Variants in TRIM14 observed in about 807,000 individuals in gnomAD.
TRIM14 encodes the protein tripartite motif-containing protein 14.
Under a neutral mutation model 44.5 loss-of-function variants are expected in TRIM14, and 28 were observed. That is an observed-to-expected ratio of 0.63 (90% CI 0.47 to 0.86). The LOEUF (loss-of-function observed/expected upper bound fraction) is 0.86. Ranked by LOEUF, TRIM14 falls within the 40% of genes least tolerant of loss-of-function variation. The pLI, the probability that TRIM14 is intolerant of heterozygous loss-of-function variation, is 0.00. For synonymous variants in TRIM14, 299 were observed against 269.2 expected, an observed-to-expected ratio of 1.11 and a Z score of -1.08; for missense variants, 607 against 611.1, an observed-to-expected ratio of 0.99 and a Z score of 0.07.
chr9:98,081,415 G>C, downstream of TRIM14: 1 of 261,822 alleles, frequency 3.8e-6, no homozygotes, highest in South Asian at 6.6e-5. Flanking sequence ...CCTGGAATAA[G>C]TCAAGTCTGG....
chr9:98,099,593 G>A, intron 3 of TRIM14, among the ~76,000 whole-genome samples: 1 of 152,144 alleles, frequency 6.6e-6, no homozygotes. Context: ...GACCAGGTGA[G>A]TCACTTCACT....
chr9:98,100,665 C>G (rs1826357334), intron 2 of TRIM14, among the ~76,000 whole-genome samples: 1 of 152,128 alleles, frequency 6.6e-6, no homozygotes, highest in African/African-American at 2.4e-5. Flanking sequence ...TCTACAGGAT[C>G]TAAAACCATG....
chr9:98,054,014 A>G, the TRIM14 span, among the ~76,000 whole-genome samples: 5 of 152,148 alleles, frequency 3.3e-5, no homozygotes, highest in Admixed American at 2.0e-4. Context: ...GCAAGGCTCA[A>G]ACTGTCTTCC....
At chr9:98,061,019 C>T in the TRIM14 span, 2 of 1,610,212 alleles carry the variant, frequency 1.2e-6, no homozygotes, top group South Asian at 1.1e-5. Context: ...GCTGCTCTGT[C>T]ATTTGTCACT....
intron 1 of TRIM14, among the ~76,000 whole-genome samples, chr9:98,111,824 G>C (rs1826864908): frequency 6.6e-6 from 1 of 152,082 alleles, no homozygotes; most frequent in Non-Finnish European, 1.5e-5. Context: ...TGTAATCCCA[G>C]CTACTCGGGA....
Position 98,087,734 on chromosome 9 carries a change from C to T in TRIM14, c.1065G>A (p.Leu355=), listed in dbSNP as rs1358413438. The change falls in exon 6 of 6, where the codon CTG becomes CTA. Residue 355 remains leucine, a synonymous_variant. Coordinates refer to ENST00000341469, the MANE Select transcript of TRIM14 (RefSeq NM_014788.4). ...RRRGASAAAR[L]GCNRQSWCLK... ...GGCACCAGGACTGGCGGTTGCAGCC[C>T]AGGCGGGCGGCGGCCGAGGCCCCGC... is the stretch of plus-strand genomic sequence containing the variant. The T allele has an allele frequency of 5.1e-6, 8 of 1,577,494 alleles. No homozygotes were observed. The highest frequency in any genetic ancestry group is 2.3e-5 in the East Asian group (1 of 43,400).
downstream of TRIM14, among the ~76,000 whole-genome samples, chr9:98,068,775 T>G (rs1829225225): frequency 6.6e-6 from 1 of 151,464 alleles, no homozygotes; most frequent in Non-Finnish European, 1.5e-5. Context: ...AAGCCATGAT[T>G]GCACCAGTGA....
At chr9:98,056,893 C>T in the TRIM14 span, 1 of 1,610,912 alleles carries the variant, frequency 6.2e-7, no homozygotes, top group Non-Finnish European at 8.5e-7. Context: ...CGGCCAGAAC[C>T]ACCAGGGCGA....
downstream of TRIM14, chr9:98,081,878 A>G (rs1025384979): frequency 3.3e-5 from 5 of 152,204 alleles, no homozygotes; most frequent in Admixed American, 3.3e-4. Flanking sequence ...AATAAAGTAA[A>G]AAGAAATAGT....
chr9:98,083,761 T>C (rs1297330766), downstream of TRIM14, among the ~76,000 whole-genome samples: 5 of 152,256 alleles, frequency 3.3e-5, no homozygotes, highest in African/African-American at 7.2e-5. Flanking sequence ...AGTCACACAA[T>C]ATGTTAGAAG....
At chr9:98,063,136 C>T in the TRIM14 span, among the ~76,000 whole-genome samples, 3 of 151,870 alleles carry the variant, frequency 2.0e-5, no homozygotes, top group African/African-American at 7.3e-5. Context: ...CCATGTTAGC[C>T]AGGCTGATCT....
intron 4 of TRIM14, chr9:98,092,657 T>G: frequency 5.6e-6 from 1 of 178,354 alleles, no homozygotes; most frequent in Middle Eastern, 5.0e-4. Flanking sequence ...CTGTACGTCA[T>G]GAACAATAAC....
Position 98,087,745 on chromosome 9 carries a change from C to T in TRIM14, c.1054G>A (p.Ala352Thr). The T allele has an allele frequency of 6.4e-7, 1 of 1,557,040 alleles. No homozygotes were observed. The highest frequency in any genetic ancestry group is 8.6e-7 in the Non-Finnish European group (1 of 1,161,330). The part of the protein sequence containing the change: ...ASLRRRGASA[A>T]ARLGCNRQSW... Reference sequence around the variant, plus strand: ...TGGCGGTTGCAGCCCAGGCGGGCGGCGGCCGAGGCCCCGCGGCGCCGAAGG... The same window carrying T: ...TGGCGGTTGCAGCCCAGGCGGGCGGTGGCCGAGGCCCCGCGGCGCCGAAGG... Residue 352 changes from alanine (A) to threonine (T), a missense_variant, in exon 6 of 6, where the codon GCC (alanine) becomes ACC (threonine). Coordinates refer to ENST00000341469, the MANE Select transcript of TRIM14 (RefSeq NM_014788.4).
chr9:98,049,338 CATAAAAAAAAA>C, the TRIM14 span, among the ~76,000 whole-genome samples: 1 of 38,558 alleles, frequency 2.6e-5, no homozygotes, highest in African/African-American at 1.6e-4. Context: ...TGAGACTCTG[CATAAAAAAAAA>C]AAAAAAAAAA....
chr9:98,043,241 G>A, the TRIM14 span, among the ~76,000 whole-genome samples: 45 of 151,472 alleles, frequency 3.0e-4, no homozygotes, highest in Non-Finnish European at 1.0e-4. Flanking sequence ...GCAATGGCGC[G>A]ATACTGGCTC....
At chr9:98,112,723 G>A (rs1457549677) in intron 1 of TRIM14, among the ~76,000 whole-genome samples, 4 of 149,836 alleles carry the variant, frequency 2.7e-5, no homozygotes, top group African/African-American at 9.9e-5. Context: ...ACTTGAATCT[G>A]GGAGGTGGAG....
downstream of TRIM14, chr9:98,081,212 C>T: frequency 8.1e-7 from 1 of 1,239,658 alleles, no homozygotes; most frequent in Non-Finnish European, 1.1e-6. Context: ...TGTGCTCCCA[C>T]CCGTGTCAGC....
At chr9:98,088,115 T>G in intron 5 of TRIM14, 110 bp from the exon 6 acceptor site, 1 of 1,255,196 alleles carries the variant, frequency 8.0e-7, no homozygotes, top group Non-Finnish European at 1.0e-6. Flanking sequence ...AGCGCGGAAA[T>G]GGCCCAAGGA....
the TRIM14 span, chr9:98,061,243 G>A: frequency 6.4e-6 from 3 of 469,038 alleles, no homozygotes; most frequent in South Asian, 7.2e-5. Flanking sequence ...TTGGGAGACT[G>A]AGGGGGATGG....
Sources: allele counts gnomAD v4.1 joint callset (sites outside exome capture counted in the v4.1 genomes callset), GRCh38; gene constraint gnomAD v4.1.1; transcripts MANE v1.5; gene names NCBI Gene and HGNC (gene_info 2026-07-23, HGNC 2026-07-21).